The following LY9 variants were observed in gnomAD, a reference collection of about 807,000 sequenced individuals.
LY9 encodes lymphocyte antigen 9, also known as T-lymphocyte surface antigen Ly-9.
A neutral mutation model predicts 64.6 loss-of-function variants in LY9; 59 were observed. That is an observed-to-expected ratio of 0.91 (90% CI 0.74 to 1.13). The LOEUF is 1.13. LY9 is among the 50% of genes most tolerant of loss of function. The pLI is 0.00. For synonymous variants in LY9, 281 were observed against 308.5 expected (o/e 0.91, Z 0.93); for missense variants, 789 against 797.2 (o/e 0.99, Z 0.12).
At chr1:160,801,198 T>G (rs1666443405) in intron 2 of LY9, among the ~76,000 whole-genome samples, 1 of 152,180 alleles carries the variant, frequency 6.6e-6, no homozygotes, top group Non-Finnish European at 1.5e-5. Context: ...TGTCTAAGAT[T>G]TCCCCTTTTC....
intron 4 of LY9, among the ~76,000 whole-genome samples, chr1:160,815,652 C>A (rs1159661472): frequency 6.6e-6 from 1 of 152,242 alleles, no homozygotes; most frequent in Admixed American, 6.5e-5. Context: ...TCCCAAAGTG[C>A]TGGGATTACA....
rs373485888 is a variant in LY9, at chr1:160,825,122, C to G, written c.1899+873C>G. On this transcript the variant is annotated intron_variant, in intron 9 of 9. Coordinates refer to ENST00000263285, the MANE Select transcript of LY9 (RefSeq NM_002348.4). ...ACTTAGGACACTTAAGTGGGAGGAC[C>G]GCTTGAGCCGGGGAGTTCAAGGCTG... Among the ~76,000 whole-genome samples, 18 of 151,436 alleles carry G rather than the reference C, an allele frequency of 1.2e-4. No homozygotes were observed. The South Asian group carries it at 3.1e-3, about 26-fold the overall frequency.
At chr1:160,824,842 G>A (rs1283006915) in intron 9 of LY9, 9 of 164,240 alleles carry the variant, frequency 5.5e-5, no homozygotes, top group Non-Finnish European at 8.8e-5. Flanking sequence ...TTAGCCAGGC[G>A]TGGTGGCAGG....
At chr1:160,801,866 G>T in intron 2 of LY9, 1 of 1,614,166 alleles carries the variant, frequency 6.2e-7, no homozygotes, top group South Asian at 1.1e-5. Flanking sequence ...GCGGCCTGGA[G>T]TCCATCATCA....
intron 9 of LY9, among the ~76,000 whole-genome samples, chr1:160,827,539 CAG>C (rs1239655504): frequency 6.6e-6 from 1 of 152,178 alleles, no homozygotes; most frequent in African/African-American, 2.4e-5. Context: ...GTTGTCCTTG[CAG>C]AGAGTCCAGC....
At chr1:160,824,628 A>G in intron 9 of LY9, 2 of 983,572 alleles carry the variant, frequency 2.0e-6, no homozygotes, top group Non-Finnish European at 2.4e-6. Flanking sequence ...CAATTTAACA[A>G]CAAGAATTTT....
At chr1:160,805,882 A>T (rs1310372307) in intron 2 of LY9, among the ~76,000 whole-genome samples, 1 of 130,868 alleles carries the variant, frequency 7.6e-6, no homozygotes, top group East Asian at 2.5e-4. Flanking sequence ...CTCTTGCTGG[A>T]TTGATCCCTT....
intron 9 of LY9, among the ~76,000 whole-genome samples, chr1:160,826,513 A>G (rs369303216): frequency 3.1e-4 from 47 of 152,360 alleles, no homozygotes; most frequent in African/African-American, 1.1e-3. Flanking sequence ...TTTTTCACTC[A>G]TGCACAAATT....
chr1:160,822,272 C>A (rs1030368343), intron 7 of LY9, among the ~76,000 whole-genome samples: 1 of 152,056 alleles, frequency 6.6e-6, no homozygotes, highest in Admixed American at 6.5e-5. Flanking sequence ...CTGGTGAATG[C>A]GCTGAGTTCT....
chr1:160,801,416 T>A (rs1470032654), intron 2 of LY9, among the ~76,000 whole-genome samples: 1 of 152,236 alleles, frequency 6.6e-6, no homozygotes, highest in African/African-American at 2.4e-5. Context: ...TCGTTTTTTC[T>A]TGTTGAGTTA....
intron 2 of LY9, among the ~76,000 whole-genome samples, chr1:160,800,724 C>T (rs1160031964): frequency 6.6e-6 from 1 of 152,124 alleles, no homozygotes; most frequent in Non-Finnish European, 1.5e-5. Flanking sequence ...TTGTAGGCTC[C>T]GCTATCCATT....
intron 7 of LY9, among the ~76,000 whole-genome samples, chr1:160,821,721 G>A (rs1668463166): frequency 6.6e-6 from 1 of 152,146 alleles, no homozygotes; most frequent in Non-Finnish European, 1.5e-5. Context: ...TCAAACCCTA[G>A]CTCTCCTCCT....
intron 7 of LY9, among the ~76,000 whole-genome samples, chr1:160,822,906 G>C (rs1298166479): frequency 2.0e-5 from 3 of 152,170 alleles, no homozygotes; most frequent in Non-Finnish European, 4.4e-5. Context: ...CTCTAATCAT[G>C]CTGTTCCCTC....
At chr1:160,796,462 G>C (rs766104438) in intron 1 of LY9, 151 bp downstream of exon 1, 7 of 935,562 alleles carry the variant, frequency 7.5e-6, no homozygotes, top group Non-Finnish European at 1.1e-5. Flanking sequence ...GCGCAATCTC[G>C]GCTCACTGCA....
intron 1 of LY9, chr1:160,799,520 C>A (rs1342474169): frequency 4.3e-6 from 2 of 469,472 alleles, no homozygotes. Flanking sequence ...GGAACAGAAA[C>A]CCAGAAGATC....
At chr1:160,816,548 A>C in intron 4 of LY9, 46 bp from the exon 5 acceptor site, 1 of 1,535,160 alleles carries the variant, frequency 6.5e-7, no homozygotes, top group South Asian at 1.2e-5. Flanking sequence ...GTGACTGCTC[A>C]GGGGGCAGGC....
At chr1:160,812,562 A>C (rs1667590909) in intron 2 of LY9, 1 of 152,232 alleles carries the variant, frequency 6.6e-6, no homozygotes, top group Non-Finnish European at 1.5e-5. Flanking sequence ...AATTTCCAAG[A>C]TATATTGTTA....
intron 1 of LY9, chr1:160,799,375 A>T: frequency 5.7e-6 from 1 of 174,466 alleles, no homozygotes; most frequent in Non-Finnish European, 1.2e-5. Context: ...CACAATTTGC[A>T]GCAACCTGCT....
rs1473843232 is a variant in LY9 at position 160,816,761 on chromosome 1, G to A, written c.1240G>A (p.Val414Ile). The A allele has an allele frequency of 4.3e-6, 7 of 1,614,112 alleles. No individual in the cohort carries two copies. The highest frequency in any genetic ancestry group is 4.5e-5 in the East Asian group (2 of 44,904). Residue 414 changes from valine (V) to isoleucine (I), a missense_variant, in exon 5 of 10, where the codon GTC (valine) becomes ATC (isoleucine). Coordinates refer to ENST00000263285, the MANE Select transcript of LY9 (RefSeq NM_002348.4). ...GTCCCAAGGGGAATCACACCTCAAT[G>A]TCTCATGGAGAAGCAGTGAAAATCA... is the stretch of plus-strand genomic sequence containing the variant. ...VVSQGESHLN[V>I]SWRSSENHPN...
Sources: gnomAD v4.1 joint callset for allele counts (sites outside exome capture counted in the v4.1 genomes callset) on GRCh38, gnomAD v4.1.1 for gene constraint, MANE v1.5 for transcripts, NCBI Gene and HGNC (gene_info 2026-07-23, HGNC 2026-07-21) for gene names.